The following CASQ2 variants were observed in gnomAD, a reference collection of about 807,000 sequenced individuals.
CASQ2 encodes calsequestrin 2.
CASQ2 carries 49 observed loss-of-function variants against 46.5 expected under a neutral mutation model. The ratio of observed to expected loss-of-function variants is 1.05; its 90% CI spans 0.84 to 1.34. The LOEUF is 1.34. CASQ2 is among the 40% of genes most tolerant of loss of function. CASQ2 has a pLI of 0.00. For synonymous variants in CASQ2, 174 were observed against 168.5 expected, an observed-to-expected ratio of 1.03 and a Z score of -0.25; for missense variants, 486 against 481.3, an observed-to-expected ratio of 1.01 and a Z score of -0.09.
intron 1 of CASQ2, among the ~76,000 whole-genome samples, chr1:115,759,799 C>T (rs1386284534): frequency 6.6e-6 from 1 of 152,192 alleles, no homozygotes; most frequent in African/African-American, 2.4e-5. Context: ...CATCTACCTT[C>T]AGGGTTCTTA....
At chr1:115,721,305 T>C (rs1238059619) in intron 7 of CASQ2, among the ~76,000 whole-genome samples, 1 of 152,098 alleles carries the variant, frequency 6.6e-6, no homozygotes, top group Non-Finnish European at 1.5e-5. Flanking sequence ...TGGGTCTCCT[T>C]TTGCCCTGCC....
intron 1 of CASQ2, among the ~76,000 whole-genome samples, chr1:115,748,182 A>C (rs1403700013): frequency 6.6e-6 from 1 of 152,170 alleles, no homozygotes; most frequent in Non-Finnish European, 1.5e-5. Flanking sequence ...TACAACTCAT[A>C]CTATAAATCC....
At chr1:115,735,528 C>T (rs1384174579) in intron 4 of CASQ2, among the ~76,000 whole-genome samples, 2 of 152,112 alleles carry the variant, frequency 1.3e-5, no homozygotes, top group Admixed American at 6.5e-5. Context: ...AAAGTTTATA[C>T]ATTTAAAAAC....
intron 6 of CASQ2, among the ~76,000 whole-genome samples, chr1:115,726,183 TC>T (rs1647581451): frequency 6.6e-6 from 1 of 152,120 alleles, no homozygotes; most frequent in Non-Finnish European, 1.5e-5. Context: ...ATGAACACAC[TC>T]GTGTACATGC....
At chr1:115,734,999 T>C (rs915156885) in intron 4 of CASQ2, among the ~76,000 whole-genome samples, 4 of 152,234 alleles carry the variant, frequency 2.6e-5, no homozygotes, top group African/African-American at 9.6e-5. Context: ...AACTTTATAG[T>C]GTATGAATTC....
In CASQ2 at chr1:115,738,275, T is replaced by G. The variant is rs146333579; in HGVS notation, c.481A>C (p.Ile161Leu). 6.8e-6 allele frequency: 11 copies of G among 1,614,028 alleles called. No individual in the cohort carries two copies. The East Asian group carries it at 2.5e-4, about 36-fold the overall frequency. ...CCAATGAGTTTGATGTAGTCTTCAA[T>G]GCGTTCGAAGGCTTGGACTTCCAGT... ...SKLEVQAFER[I>L]EDYIKLIGFF... The change falls in exon 4 of 11, where the codon ATT becomes CTT. Residue 161 changes from isoleucine to leucine, a missense_variant. Transcript: ENST00000261448.
At chr1:115,738,160 CCTGA>C (rs1648028308) in intron 4 of CASQ2, 60 bp downstream of exon 4, 3 of 976,940 alleles carry the variant, frequency 3.1e-6, no homozygotes, top group Non-Finnish European at 3.3e-6. Flanking sequence ...TTTGGGGTAA[CCTGA>C]CATACCTTGT....
chr1:115,709,640 A>G (rs963682960), intron 8 of CASQ2, among the ~76,000 whole-genome samples: 1 of 152,216 alleles, frequency 6.6e-6, no homozygotes, highest in Non-Finnish European at 1.5e-5. Context: ...TCCAAACTCC[A>G]GGTAGATGAA....
intron 1 of CASQ2, among the ~76,000 whole-genome samples, chr1:115,763,663 A>G (rs150197649): frequency 1.0e-3 from 153 of 152,320 alleles, no homozygotes; most frequent in African/African-American, 3.6e-3. Context: ...GCCTCATTCA[A>G]TCCTCACAAC....
chr1:115,721,747 T>G (rs1647382828), intron 7 of CASQ2, among the ~76,000 whole-genome samples: 1 of 152,120 alleles, frequency 6.6e-6, no homozygotes, highest in African/African-American at 2.4e-5. Context: ...ATTTTTGTAT[T>G]TTTTGCAGAG....
intron 1 of CASQ2, among the ~76,000 whole-genome samples, chr1:115,764,553 T>G (rs1649070726): frequency 1.3e-5 from 2 of 152,220 alleles, no homozygotes; most frequent in Admixed American, 6.5e-5. Flanking sequence ...GAATCAGAAC[T>G]GCCAGCTGTT....
At chr1:115,749,708 C>T (rs1205563653) in intron 1 of CASQ2, among the ~76,000 whole-genome samples, 3 of 152,348 alleles carry the variant, frequency 2.0e-5, no homozygotes, top group South Asian at 2.1e-4. Flanking sequence ...CAGCCAGGAG[C>T]CTCTGCTGGG....
intron 1 of CASQ2, among the ~76,000 whole-genome samples, chr1:115,765,960 T>C (rs1649120303): frequency 6.6e-6 from 1 of 152,248 alleles, no homozygotes; most frequent in South Asian, 2.1e-4. Context: ...TAAAGGCATG[T>C]TCGCTCTTTC....
intron 1 of CASQ2, among the ~76,000 whole-genome samples, chr1:115,754,184 T>C (rs1648677578): frequency 6.6e-6 from 1 of 152,182 alleles, no homozygotes. Context: ...GCTGGGCAGT[T>C]GGCATGTGAT....
chr1:115,709,274 C>T (rs1654468018), intron 8 of CASQ2, among the ~76,000 whole-genome samples: 1 of 152,202 alleles, frequency 6.6e-6, no homozygotes, highest in Non-Finnish European at 1.5e-5. Context: ...TGGATCCTCC[C>T]TTTTTGACCA....
At chr1:115,713,314 C>T (rs1654605340) in intron 8 of CASQ2, among the ~76,000 whole-genome samples, 1 of 152,196 alleles carries the variant, frequency 6.6e-6, no homozygotes, top group Admixed American at 6.5e-5. Flanking sequence ...TGGAGGAAGA[C>T]TGGCAGCACC....
chr1:115,765,636 C>T (rs4400612), intron 1 of CASQ2, among the ~76,000 whole-genome samples: 137,224 of 152,202 alleles, frequency 0.9, 62,009 homozygotes, highest in East Asian at 0.97. Context: ...AAGTATAGTT[C>T]ATATGAAATT....
intron 7 of CASQ2, among the ~76,000 whole-genome samples, chr1:115,723,258 C>A (rs999664482): frequency 1.9e-4 from 22 of 118,860 alleles, no homozygotes; most frequent in African/African-American, 5.8e-4. Flanking sequence ...CTCTCTATAT[C>A]TATCTATCTA....
intron 5 of CASQ2, among the ~76,000 whole-genome samples, chr1:115,730,819 T>C (rs1376827698): frequency 6.6e-6 from 1 of 152,196 alleles, no homozygotes; most frequent in Non-Finnish European, 1.5e-5. Context: ...CCTCTCCTGG[T>C]TTCAGACCTC....
Sources: allele counts gnomAD v4.1 joint callset (sites outside exome capture counted in the v4.1 genomes callset), GRCh38; gene constraint gnomAD v4.1.1; transcripts MANE v1.5; gene names NCBI Gene and HGNC (gene_info 2026-07-23, HGNC 2026-07-21).